The following FHIT variants were observed in gnomAD, a reference collection of about 807,000 sequenced individuals.
FHIT encodes the protein fragile histidine triad diadenosine triphosphatase, also known as bis(5'-adenosyl)-triphosphatase.
In FHIT, 19 loss-of-function variants were observed where a neutral mutation model predicts 17.9. That is an observed-to-expected ratio of 1.06 (90% confidence interval 0.74 to 1.56). The LOEUF is 1.56. FHIT is among the 40% of genes most tolerant of loss of function. FHIT has a pLI of 0.00. For missense variants in FHIT, 248 were observed against 189.2 expected, an observed-to-expected ratio of 1.31 and a Z score of -1.82; for synonymous variants, 81 against 69.7, an observed-to-expected ratio of 1.16 and a Z score of -0.81.
At chr3:60,726,508 G>A (rs2041919270) in intron 4 of FHIT, among the ~76,000 whole-genome samples, 1 of 152,264 alleles carries the variant, frequency 6.6e-6, no homozygotes, top group South Asian at 2.1e-4. Flanking sequence ...TGGGTAGTGG[G>A]CTGAGTCTGG....
At chr3:60,192,380 T>C (rs944919251) in intron 5 of FHIT, among the ~76,000 whole-genome samples, 2 of 152,034 alleles carry the variant, frequency 1.3e-5, no homozygotes, top group African/African-American at 4.8e-5. Context: ...GGACTCAGCA[T>C]GAATGCTGTG....
chr3:60,254,041 G>C (rs1376149076), intron 5 of FHIT, among the ~76,000 whole-genome samples: 1 of 152,068 alleles, frequency 6.6e-6, no homozygotes, highest in East Asian at 1.9e-4. Context: ...AACTGTTAAG[G>C]TTTTATCATA....
chr3:60,784,387 G>A (rs1575520455), intron 4 of FHIT, among the ~76,000 whole-genome samples: 1 of 151,118 alleles, frequency 6.6e-6, no homozygotes, highest in South Asian at 2.1e-4. Flanking sequence ...CCCAGGCTGG[G>A]GTGCAGTGGC....
intron 5 of FHIT, among the ~76,000 whole-genome samples, chr3:60,271,590 T>C (rs1455497459): frequency 6.6e-6 from 1 of 152,166 alleles, no homozygotes; most frequent in African/African-American, 2.4e-5. Context: ...ATGTTAGTAC[T>C]GCTGTCTCTA....
At chr3:59,867,741 T>G (rs1394005062) in intron 8 of FHIT, among the ~76,000 whole-genome samples, 1 of 152,078 alleles carries the variant, frequency 6.6e-6, no homozygotes, top group Non-Finnish European at 1.5e-5. Context: ...TATCACATAT[T>G]ATGTACTCCC....
At chr3:59,791,132 T>C (rs1220306844) in intron 8 of FHIT, among the ~76,000 whole-genome samples, 1 of 152,208 alleles carries the variant, frequency 6.6e-6, no homozygotes, top group African/African-American at 2.4e-5. Context: ...TGGGTAATTA[T>C]CCTGTTCCTC....
intron 4 of FHIT, among the ~76,000 whole-genome samples, chr3:60,719,934 T>G (rs1553707659): frequency 6.6e-6 from 1 of 152,136 alleles, no homozygotes; most frequent in East Asian, 1.9e-4. Context: ...ACAATGCATC[T>G]CCTCTTGCTT....
At chr3:60,122,304 G>T (rs141811384) in intron 5 of FHIT, among the ~76,000 whole-genome samples, 1 of 152,132 alleles carries the variant, frequency 6.6e-6, no homozygotes, top group Non-Finnish European at 1.5e-5. Flanking sequence ...GATACGTGTT[G>T]TCTGGGGCAA....
chr3:60,816,695 CTT>C (rs34657304), intron 4 of FHIT, among the ~76,000 whole-genome samples: 6 of 150,948 alleles, frequency 4.0e-5, no homozygotes, highest in Non-Finnish European at 5.9e-5. Flanking sequence ...CTGTTGATTT[CTT>C]TTTTTTTTAT....
At chr3:60,559,698 A>G (rs1437453161) in intron 4 of FHIT, among the ~76,000 whole-genome samples, 1 of 152,062 alleles carries the variant, frequency 6.6e-6, no homozygotes, top group African/African-American at 2.4e-5. Flanking sequence ...TGGAAAGCAT[A>G]TGTATCTCTG....
At chr3:60,929,414 A>G (rs1356777969) in intron 3 of FHIT, among the ~76,000 whole-genome samples, 2 of 152,190 alleles carry the variant, frequency 1.3e-5, no homozygotes, top group Non-Finnish European at 2.9e-5. Flanking sequence ...AAAAGAGGAA[A>G]TCCAATTGTC....
chr3:60,840,942 TATC>T (rs1410450235), intron 3 of FHIT, among the ~76,000 whole-genome samples: 10 of 152,238 alleles, frequency 6.6e-5, no homozygotes, highest in African/African-American at 2.4e-4. Flanking sequence ...AGTATCATCT[TATC>T]ATGTACATTT....
intron 8 of FHIT, among the ~76,000 whole-genome samples, chr3:59,797,097 A>G (rs1699806912): frequency 6.6e-6 from 1 of 152,164 alleles, no homozygotes; most frequent in Non-Finnish European, 1.5e-5. Flanking sequence ...GGAAATCATC[A>G]AAAGAGAAAA....
Position 60,697,833 on chromosome 3 carries a change from A to G in FHIT, c.-18+124086T>C, listed in dbSNP as rs575177565. ...AGAAGCTGACCATTATAAATACAGC[A>G]TGCCTTAGAAAGGAGAGTTTCAAGT... On this transcript the variant is annotated intron_variant, in intron 4 of 9. Coordinates refer to ENST00000492590, the MANE Select transcript of FHIT (RefSeq NM_002012.4). Among the ~76,000 whole-genome samples, 25 of 152,314 alleles carry G rather than the reference A, an allele frequency of 1.6e-4. No individual in the cohort carries two copies. In the East Asian group the frequency reaches 1.7e-3, roughly 11 times the overall value.
At chr3:60,247,607 C>T (rs1576365543) in intron 5 of FHIT, among the ~76,000 whole-genome samples, 1 of 152,224 alleles carries the variant, frequency 6.6e-6, no homozygotes, top group African/African-American at 2.4e-5. Context: ...TAATCATATA[C>T]GCCCAGCCTC....
intron 7 of FHIT, among the ~76,000 whole-genome samples, chr3:59,968,614 T>C (rs1258307383): frequency 6.6e-6 from 1 of 152,070 alleles, no homozygotes; most frequent in African/African-American, 2.4e-5. Context: ...TATATCAAGT[T>C]CTCTATCCTC....
intron 5 of FHIT, among the ~76,000 whole-genome samples, chr3:60,353,283 T>C (rs79207662): frequency 0.13 from 20,314 of 152,086 alleles, 1,466 homozygotes; most frequent in Non-Finnish European, 0.16. Flanking sequence ...GGGGTGCTGC[T>C]TCTCTTTTTC....
intron 4 of FHIT, among the ~76,000 whole-genome samples, chr3:60,793,848 T>G (rs1468496791): frequency 6.6e-6 from 1 of 152,116 alleles, no homozygotes; most frequent in Non-Finnish European, 1.5e-5. Flanking sequence ...GCAGACCTAG[T>G]GAAGCCAGCA....
At chr3:60,296,252 C>A (rs527450071) in intron 5 of FHIT, among the ~76,000 whole-genome samples, 1 of 152,102 alleles carries the variant, frequency 6.6e-6, no homozygotes, top group East Asian at 1.9e-4. Context: ...AGAGGAGGAA[C>A]AGGGAAGCAA....
Sources: allele counts gnomAD v4.1 joint callset (sites outside exome capture counted in the v4.1 genomes callset), GRCh38; gene constraint gnomAD v4.1.1; transcripts MANE v1.5; gene names NCBI Gene and HGNC (gene_info 2026-07-23, HGNC 2026-07-21).